KCNIP1: variants seen among roughly 807,000 people sequenced by gnomAD.
The protein encoded by KCNIP1 is potassium voltage-gated channel interacting protein 1.
Under a neutral mutation model 33.0 loss-of-function variants are expected in KCNIP1, and 18 were observed. The ratio of observed to expected loss-of-function variants is 0.55; its 90% CI spans 0.38 to 0.81. The LOEUF (loss-of-function observed/expected upper bound fraction) is 0.81, where lower values mean the gene tolerates loss of function less well. KCNIP1 is among the 30% of genes least tolerant of loss of function. The pLI is 0.00. For missense variants in KCNIP1, 238 were observed against 271.6 expected, an observed-to-expected ratio of 0.88 and a Z score of 0.87; for synonymous variants, 93 against 98.3, an observed-to-expected ratio of 0.95 and a Z score of 0.32.
chr5:170,439,499 C>T (rs1274908106), intron 1 of KCNIP1, among the ~76,000 whole-genome samples: 1 of 150,914 alleles, frequency 6.6e-6, no homozygotes, highest in East Asian at 1.9e-4. Context: ...CGGGGGGGTG[C>T]GGAGCTTGGC....
chr5:170,514,051 C>T (rs1419988393), intron 1 of KCNIP1, among the ~76,000 whole-genome samples: 1 of 152,192 alleles, frequency 6.6e-6, no homozygotes, highest in African/African-American at 2.4e-5. Context: ...AGGCACTCCA[C>T]CACCTGGGCT....
chr5:170,428,681 C>G (rs1053771476), intron 1 of KCNIP1, among the ~76,000 whole-genome samples: 1 of 152,110 alleles, frequency 6.6e-6, no homozygotes, highest in Admixed American at 6.5e-5. Flanking sequence ...ACCACCTACA[C>G]TAAAGCCAAT....
At chr5:170,730,557 A>G (rs904553801) in intron 5 of KCNIP1, among the ~76,000 whole-genome samples, 1 of 152,212 alleles carries the variant, frequency 6.6e-6, no homozygotes, top group Non-Finnish European at 1.5e-5. Context: ...AGACAGGAAA[A>G]GCATCAATGG....
At chr5:170,425,514 TAGGA>T (rs1755593574) in intron 1 of KCNIP1, among the ~76,000 whole-genome samples, 1 of 152,012 alleles carries the variant, frequency 6.6e-6, no homozygotes, top group African/African-American at 2.4e-5. Context: ...CCTGTATTCA[TAGGA>T]AGGAGGATCC....
intron 1 of KCNIP1, among the ~76,000 whole-genome samples, chr5:170,443,474 G>A (rs1253203619): frequency 2.0e-5 from 3 of 152,216 alleles, no homozygotes; most frequent in Admixed American, 1.3e-4. Flanking sequence ...GCCATGTAAA[G>A]TAGTGAGCCT....
At chr5:170,619,434 A>C (rs571457069) in intron 1 of KCNIP1, among the ~76,000 whole-genome samples, 12 of 152,142 alleles carry the variant, frequency 7.9e-5, no homozygotes, top group Admixed American at 1.3e-4. Context: ...GAAGGACACA[A>C]AGGTTTGCCA....
chr5:170,492,365 G>A (rs1270830963), intron 1 of KCNIP1, among the ~76,000 whole-genome samples: 1 of 152,228 alleles, frequency 6.6e-6, no homozygotes, highest in Non-Finnish European at 1.5e-5. Flanking sequence ...GGGGGATGAG[G>A]CATCGAGTTT....
At chr5:170,724,826 A>AATAAACAC in intron 5 of KCNIP1, among the ~76,000 whole-genome samples, 1 of 152,326 alleles carries the variant, frequency 6.6e-6, no homozygotes, top group Admixed American at 6.5e-5. Flanking sequence ...TAAAGAACTA[A>AATAAACAC]ATAAACACAG....
chr5:170,718,953 G>C, intron 2 of KCNIP1, 71 bp downstream of exon 2: 1 of 1,561,110 alleles, frequency 6.4e-7, no homozygotes, highest in East Asian at 2.3e-5. Context: ...CCAATGCCAA[G>C]GGAGCTCATA....
upstream of KCNIP1, among the ~76,000 whole-genome samples, chr5:170,501,906 C>A (rs1463677635): frequency 1.3e-5 from 2 of 152,186 alleles, no homozygotes; most frequent in Non-Finnish European, 2.9e-5. Flanking sequence ...AGGGACCAGC[C>A]CCTGCTCCAT....
chr5:170,403,315 A>T (rs10475543), intron 1 of KCNIP1, among the ~76,000 whole-genome samples: 5 of 152,142 alleles, frequency 3.3e-5, no homozygotes, highest in African/African-American at 9.7e-5. Context: ...CAGTTAGGAA[A>T]GATTCAAGAG....
intron 1 of KCNIP1, among the ~76,000 whole-genome samples, chr5:170,651,046 A>G (rs527358705): frequency 8.5e-5 from 13 of 152,240 alleles, no homozygotes; most frequent in Non-Finnish European, 1.9e-4. Context: ...GCCCAAAGCC[A>G]GGAGAAGGGG....
intron 1 of KCNIP1, among the ~76,000 whole-genome samples, chr5:170,625,470 C>T (rs775410783): frequency 2.0e-5 from 3 of 152,202 alleles, no homozygotes; most frequent in Non-Finnish European, 2.9e-5. Flanking sequence ...GGCTCCCCAT[C>T]GCTGGGCTGT....
At chr5:170,362,199 G>A (rs78581867) in intron 1 of KCNIP1, among the ~76,000 whole-genome samples, 2,714 of 152,248 alleles carry the variant, frequency 0.018, 20 homozygotes, top group Middle Eastern at 0.027. Context: ...AGCTTCAGAC[G>A]GGGGACCGGC....
chr5:170,717,372 T>A (rs776676779), intron 1 of KCNIP1, among the ~76,000 whole-genome samples: 47 of 152,168 alleles, frequency 3.1e-4, no homozygotes, highest in Non-Finnish European at 4.9e-4. Context: ...TCTGTAAGAA[T>A]TATGAATTCT....
intron 1 of KCNIP1, among the ~76,000 whole-genome samples, chr5:170,572,519 G>T (rs546828122): frequency 6.6e-6 from 1 of 152,186 alleles, no homozygotes; most frequent in East Asian, 1.9e-4. Flanking sequence ...ACTAGGCAGC[G>T]CTTAAAAGAT....
chr5:170,379,191 G>A (rs1298436277), intron 1 of KCNIP1, among the ~76,000 whole-genome samples: 1 of 151,514 alleles, frequency 6.6e-6, no homozygotes, highest in Non-Finnish European at 1.5e-5. Context: ...AGCTGCTCGG[G>A]GTACAGGCTA....
chr5:170,381,535 C>T (rs2113335131), intron 1 of KCNIP1, among the ~76,000 whole-genome samples: 1 of 152,340 alleles, frequency 6.6e-6, no homozygotes, highest in East Asian at 1.9e-4. Context: ...GAAGGAGCAG[C>T]TAGCCCACAA....
chr5:170,526,215 C>T (rs778639278), intron 1 of KCNIP1, among the ~76,000 whole-genome samples: 3 of 152,218 alleles, frequency 2.0e-5, no homozygotes, highest in Non-Finnish European at 4.4e-5. Context: ...GTTCAACCTA[C>T]ATGCTGTGAC....
Sources: allele counts gnomAD v4.1 joint callset (sites outside exome capture counted in the v4.1 genomes callset), GRCh38; gene constraint gnomAD v4.1.1; transcripts MANE v1.5; gene names NCBI Gene and HGNC (gene_info 2026-07-23, HGNC 2026-07-21).